ZNF292: variants seen among roughly 807,000 people sequenced by gnomAD.
The protein encoded by ZNF292 is 16 zinc-finger domain protein.
Under a neutral mutation model 217.9 loss-of-function variants are expected in ZNF292, and 26 were observed. The ratio of observed to expected loss-of-function variants is 0.12; its 90% CI spans 0.09 to 0.17. The LOEUF is 0.17. Ranked by LOEUF, ZNF292 falls within the 10% of genes least tolerant of loss-of-function variation. The probability of loss-of-function intolerance (pLI) is 1.00; values close to 1 mark genes in which losing one functional copy is unlikely to be tolerated. For synonymous variants in ZNF292, 1,257 were observed against 1,124.1 expected (o/e 1.12, Z -2.37); for missense variants, 2,904 against 3,175.2 (o/e 0.91, Z 2.05).
At position 87,247,253 on chromosome 6, in the gene ZNF292, C is replaced by T. The variant is rs945262670; in HGVS notation, c.1020+1609C>T. Among the ~76,000 whole-genome samples the T allele has an allele frequency of 4.8e-5, 7 of 144,698 alleles. 1 individual carries two copies. Among genetic ancestry groups the T allele is most frequent in the Non-Finnish European group, 1.0e-4 (7 of 66,992 alleles). 94.9% of individuals were successfully genotyped at this position (144,698 alleles called of 152,430 possible). A position where few individuals can be genotyped will look rare whatever the true frequency, so the allele number is the denominator to read the frequency against. On this transcript the variant is annotated intron_variant, in intron 7 of 7. Transcript: ENST00000369577. Reference sequence around the variant, plus strand: ...TCTGAAACAACCACCCCCTCACCACCGCCCCCTGCCACCCGCAACACACAC... The same window carrying T: ...TCTGAAACAACCACCCCCTCACCACTGCCCCCTGCCACCCGCAACACACAC...
intron 1 of ZNF292, among the ~76,000 whole-genome samples, chr6:87,212,688 T>G (rs533339479): frequency 1.3e-5 from 2 of 152,234 alleles, no homozygotes; most frequent in Non-Finnish European, 2.9e-5. Flanking sequence ...GGTTGCATCA[T>G]TGAATTCCAA....
In ZNF292 at chr6:87,256,365, A is replaced by G. The variant is rs1775211935; in HGVS notation, c.2736A>G (p.Gln912=). ...QDQISASELR[Q]ANGPLSNGLE... is the part of the protein sequence containing the mutation. Reference sequence around the variant, plus strand: ...AGATTTCTGCCTCTGAGCTCAGGCAAGCTAATGGACCATTGTCAAATGGTT... The same window carrying G: ...AGATTTCTGCCTCTGAGCTCAGGCAGGCTAATGGACCATTGTCAAATGGTT... Residue 912 remains glutamine (Q), a synonymous_variant, in exon 8 of 8, where the codon CAA becomes CAG. Transcript: ENST00000369577. 3.1e-6 allele frequency: 5 copies of G among 1,610,812 alleles called. No individual in the cohort carries two copies. Among genetic ancestry groups the G allele is most frequent in the Middle Eastern group, 3.3e-4 (2 of 6,062 alleles).
chr6:87,220,238 A>G (rs1012936913), intron 4 of ZNF292, among the ~76,000 whole-genome samples: 1 of 152,088 alleles, frequency 6.6e-6, no homozygotes, highest in African/African-American at 2.4e-5. Context: ...ACCAAATTAT[A>G]CTTTCTGATC....
chr6:87,257,639 A>C lies in ZNF292; in HGVS notation c.4010A>C (p.Gln1337Pro). The C allele has an allele frequency of 6.2e-7, 1 of 1,609,138 alleles. No homozygotes were observed. ...ANNFSSTNAQQSAPEKVKKDR... is the reference protein window; with the variant it reads ...ANNFSSTNAQPSAPEKVKKDR... ...AACTTCAGTAGCACCAATGCCCAAC[A>C]GTCTGCACCTGAAAAAGTTAAAAAA... The change falls in exon 8 of 8, where the codon CAG becomes CCG. Residue 1337 changes from glutamine (Q) to proline (P), a missense_variant. By Grantham distance (76) the Gln-to-Pro change is moderately conservative (BLOSUM62 -1). Around this residue, in one of 15 missense-constraint regions of ZNF292, gnomAD observed 687 missense variants for 623.0 expected, o/e 1.10. Coordinates refer to ENST00000369577, the MANE Select transcript of ZNF292 (RefSeq NM_015021.3).
At chr6:87,188,108 G>A (rs1771718053) in intron 1 of ZNF292, among the ~76,000 whole-genome samples, 2 of 152,184 alleles carry the variant, frequency 1.3e-5, no homozygotes, top group African/African-American at 4.8e-5. Context: ...AATAAAACAT[G>A]CCTGGGGAAT....
Position 87,260,077 on chromosome 6 carries a change from G to T in ZNF292, c.6448G>T (p.Val2150Phe). Residue 2150 changes from valine (V) to phenylalanine (F), a missense_variant, in exon 8 of 8, where the codon GTC (valine) becomes TTC (phenylalanine). Physicochemically the swap from Val to Phe is conservative, Grantham distance 50. Transcript: ENST00000369577. ...KSDLPAFSAE[V>F]EEESEAGKES... ...AGATCTACCTGCATTTTCAGCAGAG[G>T]TCGAAGAGGAAAGTGAAGCTGGTAA... 1 of 1,613,560 alleles carries T rather than the reference G, an allele frequency of 6.2e-7. No individual in the cohort carries two copies. Among genetic ancestry groups the T allele is most frequent in the African/African-American group, 1.3e-5 (1 of 75,012 alleles).
chr6:87,258,158 C>G lies in ZNF292; in HGVS notation c.4529C>G (p.Ser1510Cys), dbSNP rs758869577. Residue 1510 changes from serine (S) to cysteine (C), a missense_variant, in exon 8 of 8, where the codon TCT becomes TGT. Transcript: ENST00000369577. Reference sequence around the variant, plus strand: ...ACATTTGAGGGTGCCGAAATGCTTTCTCATGTTTCAACAGGTTGTGTCTCT... The same window carrying G: ...ACATTTGAGGGTGCCGAAATGCTTTGTCATGTTTCAACAGGTTGTGTCTCT... Reference protein sequence around the residue: ...PSTFEGAEMLSHVSTGCVSDA... With the variant: ...PSTFEGAEMLCHVSTGCVSDA... The G allele has an allele frequency of 2.5e-6, 4 of 1,611,890 alleles. No homozygotes were observed. Among genetic ancestry groups the G allele is most frequent in the Admixed American group, 3.4e-5 (2 of 59,586 alleles).
At position 87,216,345 on chromosome 6, in the gene ZNF292, A is replaced by G. The variant is rs1250286663; in HGVS notation, c.370A>G (p.Lys124Glu). Residue 124 changes from lysine to glutamate, a missense_variant, in exon 3 of 8, where the codon AAA becomes GAA. This residue lies in a region of ZNF292 where 313 missense variants were observed against 451.0 expected (regional missense o/e 0.69). Transcript: ENST00000369577. ...GTGTCTGCCTGTTGAGTTATCAGAT[A>G]AACAGTGGGAACAATTTCAGACACT... ...LLCLPVELSDKQWEQFQTLVQ... is the reference protein window; with the variant it reads ...LLCLPVELSDEQWEQFQTLVQ... 4.4e-6 allele frequency: 7 copies of G among 1,585,544 alleles called. No individual in the cohort carries two copies. The Admixed American group carries it at 1.1e-4, about 24-fold the overall frequency.
intron 4 of ZNF292, chr6:87,223,043 AT>A: frequency 5.0e-6 from 1 of 199,164 alleles, no homozygotes; most frequent in Non-Finnish European, 1.1e-5. Flanking sequence ...AACATGACTT[AT>A]CACTGTTTTG....
chr6:87,250,876 A>C (rs1774885430), intron 7 of ZNF292, among the ~76,000 whole-genome samples: 1 of 152,204 alleles, frequency 6.6e-6, no homozygotes, highest in African/African-American at 2.4e-5. Context: ...TAGTCTGTTG[A>C]TGGAAACTCA....
Position 87,258,016 on chromosome 6 carries a change from C to T in ZNF292, c.4387C>T (p.Pro1463Ser). The T allele has an allele frequency of 6.2e-7, 1 of 1,613,836 alleles. No homozygotes were observed. Among genetic ancestry groups the T allele is most frequent in the Non-Finnish European group, 8.5e-7 (1 of 1,179,790 alleles). ...FLQLLAENRS[P>S]AFLPNTFPRS... is the part of the protein sequence containing the mutation. Reference sequence around the variant, plus strand: ...ACAGCTTCTTGCTGAAAATCGCTCGCCAGCATTTTTACCAAATACATTTCC... The same window carrying T: ...ACAGCTTCTTGCTGAAAATCGCTCGTCAGCATTTTTACCAAATACATTTCC... Residue 1463 changes from proline to serine, a missense_variant, in exon 8 of 8, where the codon CCA (proline) becomes TCA (serine). Physicochemically the swap from Pro to Ser is moderately conservative, Grantham distance 74 (BLOSUM62 -1). Around this residue, in one of 15 missense-constraint regions of ZNF292, gnomAD observed 622 missense variants for 573.1 expected, o/e 1.09. Transcript: ENST00000369577.
chr6:87,245,418 A>C, intron 6 of ZNF292, 85 bp from the exon 7 acceptor site: 1 of 1,043,730 alleles, frequency 9.6e-7, no homozygotes, highest in South Asian at 1.8e-5. Flanking sequence ...AACCAGTTTT[A>C]ATTTCAAATG....
rs754195570 is a variant in ZNF292, at chr6:87,254,672, C to G, written c.1043C>G (p.Thr348Ser). 1.9e-6 allele frequency: 3 copies of G among 1,607,898 alleles called. No individual in the cohort carries two copies. The highest frequency in any genetic ancestry group is 2.6e-6 in the Non-Finnish European group (3 of 1,175,514). Residue 348 changes from threonine (T) to serine (S), a missense_variant, in exon 8 of 8, where the codon ACC becomes AGC. Around this residue, in one of 15 missense-constraint regions of ZNF292, gnomAD observed 313 missense variants for 451.0 expected, o/e 0.69. Coordinates refer to ENST00000369577, the MANE Select transcript of ZNF292 (RefSeq NM_015021.3). ...CAGACTGAAGGGGCTGGACTTGCTA[C>G]CTGTATAGAACTGTGTGTAAAGGCT... ...NSETEGAGLATCIELCVKALR... is the reference protein window; with the variant it reads ...NSETEGAGLASCIELCVKALR...
At chr6:87,177,210 C>T (rs1771330279) in intron 1 of ZNF292, among the ~76,000 whole-genome samples, 1 of 151,834 alleles carries the variant, frequency 6.6e-6, no homozygotes, top group Non-Finnish European at 1.5e-5. Flanking sequence ...GCCTGTAATC[C>T]CAGCTACTCA....
At chr6:87,240,761 G>A (rs1774237106) in intron 5 of ZNF292, among the ~76,000 whole-genome samples, 1 of 152,138 alleles carries the variant, frequency 6.6e-6, no homozygotes, top group Non-Finnish European at 1.5e-5. Flanking sequence ...AAAATGATAA[G>A]ATTAAAAATA....
rs1356425492 is a variant in ZNF292 at position 87,240,245 on chromosome 6, A to G, written c.742-3230A>G. ...CATGCGCCTGCAATCTCAGGCACTC[A>G]GCAGGCTGAGGCAGGAGAATCAGGC... On this transcript the variant is annotated intron_variant, in intron 5 of 7. Transcript: ENST00000369577. 5.3e-5 allele frequency among the ~76,000 whole-genome samples: 8 copies of G among 152,266 alleles called. 1 individual carries two copies. In the South Asian group the frequency reaches 8.3e-4, roughly 16 times the overall value.
intron 7 of ZNF292, among the ~76,000 whole-genome samples, chr6:87,251,880 G>T (rs964966478): frequency 6.6e-6 from 1 of 152,088 alleles, no homozygotes; most frequent in African/African-American, 2.4e-5. Flanking sequence ...CAAATTTATT[G>T]AGGCTCCTCA....
At chr6:87,196,101 A>G (rs1196244126) in intron 1 of ZNF292, among the ~76,000 whole-genome samples, 1 of 152,174 alleles carries the variant, frequency 6.6e-6, no homozygotes, top group Non-Finnish European at 1.5e-5. Context: ...TATCAAGAAT[A>G]CTTTCAATGA....
rs1189179362 is a variant in ZNF292 at position 87,260,251 on chromosome 6, A to G, written c.6622A>G (p.Thr2208Ala). 2 of 1,613,674 alleles carry G rather than the reference A, an allele frequency of 1.2e-6. No individual in the cohort carries two copies. The highest frequency in any genetic ancestry group is 1.7e-6 in the Non-Finnish European group (2 of 1,179,642). The change falls in exon 8 of 8, where the codon ACT becomes GCT. Residue 2208 changes from threonine (T) to alanine (A), a missense_variant. Thr to Ala is a moderately conservative substitution (Grantham distance 58, BLOSUM62 0). Coordinates refer to ENST00000369577, the MANE Select transcript of ZNF292 (RefSeq NM_015021.3). ...GACTCCTGAAGAAATTGAAAGTATGACTGCTTCAGTGGATGTTGGGAAGTT... is the reference window on the plus strand; with the variant it reads ...GACTCCTGAAGAAATTGAAAGTATGGCTGCTTCAGTGGATGTTGGGAAGTT... ...EMTPEEIESM[T>A]ASVDVGKFPC...
Sources: gnomAD v4.1 joint callset for allele counts (sites outside exome capture counted in the v4.1 genomes callset) on GRCh38, gnomAD v4.1.1 for gene constraint, gnomAD v4.1.1 regional missense constraint, MANE v1.5 for transcripts, NCBI Gene and HGNC (gene_info 2026-07-23, HGNC 2026-07-21) for gene names.